Variants in FAM118B observed in about 807,000 individuals in gnomAD.
FAM118B encodes protein FAM118B.
A neutral mutation model predicts 38.5 loss-of-function variants in FAM118B; 24 were observed. The ratio of observed to expected loss-of-function variants is 0.62; its 90% CI spans 0.45 to 0.88. The LOEUF is 0.88. FAM118B is among the 40% of genes least tolerant of loss of function. The pLI, the probability that FAM118B is intolerant of heterozygous loss-of-function variation, is 0.00. For missense variants in FAM118B, 334 were observed against 420.0 expected (o/e 0.80, Z 1.79); for synonymous variants, 138 against 156.3 (o/e 0.88, Z 0.87).
chr11:126,242,695 AC>A (rs1157210921), intron 4 of FAM118B, among the ~76,000 whole-genome samples: 1 of 152,226 alleles, frequency 6.6e-6, no homozygotes, highest in African/African-American at 2.4e-5. Flanking sequence ...GTGCCATTTC[AC>A]ACCCGCTGGC....
At chr11:126,259,370 GGAAAAA>G (rs947921492) in intron 7 of FAM118B, among the ~76,000 whole-genome samples, 3 of 151,418 alleles carry the variant, frequency 2.0e-5, no homozygotes, top group Admixed American at 1.3e-4. Context: ...TCAAGCAGTG[GGAAAAA>G]GAAAAATAAT....
chr11:126,235,098 G>GAA lies in FAM118B; in HGVS notation c.86+12_86+13dup. The GAA allele has an allele frequency of 6.2e-7, 1 of 1,612,654 alleles. No homozygotes were observed. The highest frequency in any genetic ancestry group is 1.3e-5 in the African/African-American group (1 of 75,006). On this transcript the variant is annotated intron_variant, in intron 3 of 8. Transcript: ENST00000533050. ...CACCAAAAAGCCCAGGTAAACAAGA[G>GAA]AAGGGAATCAGCAGAGTAAATTACC...
chr11:126,223,846 TAAGTTG>T (rs1183116553), intron 1 of FAM118B, among the ~76,000 whole-genome samples: 3 of 152,192 alleles, frequency 2.0e-5, no homozygotes, highest in African/African-American at 7.2e-5. Context: ...CTTGGAACCT[TAAGTTG>T]AAGTTTTCTT....
rs1950519404 is a variant in FAM118B, at chr11:126,252,590, A to G, written c.568-1715A>G. 6.6e-6 allele frequency among the ~76,000 whole-genome samples: 1 copy of G among 152,146 alleles called. No individual in the cohort carries two copies. Among genetic ancestry groups the G allele is most frequent in the Non-Finnish European group, 1.5e-5 (1 of 68,036 alleles). On this transcript the variant is annotated intron_variant, in intron 5 of 8. Coordinates refer to ENST00000533050, the MANE Select transcript of FAM118B (RefSeq NM_024556.4). This position sits in a 1 kb window ranked among gnomAD's most constrained non-coding sequence, Gnocchi z 4.7. Reference sequence around the variant, plus strand: ...AGACCCCATCTCTACAAAAAGTTTAAAAATTAGCCGGGCATGGTGGTGTTT... The same window carrying G: ...AGACCCCATCTCTACAAAAAGTTTAGAAATTAGCCGGGCATGGTGGTGTTT...
chr11:126,226,561 C>T (rs962930844), intron 1 of FAM118B, among the ~76,000 whole-genome samples: 13 of 152,224 alleles, frequency 8.5e-5, no homozygotes, highest in Non-Finnish European at 1.6e-4. Flanking sequence ...TTCTCTCCTT[C>T]CCCCCGGCAG....
intron 4 of FAM118B, 90 bp downstream of exon 4, chr11:126,241,134 C>G (rs1050845242): frequency 7.7e-7 from 1 of 1,298,076 alleles, no homozygotes; most frequent in African/African-American, 1.5e-5. Flanking sequence ...AACTAGCATG[C>G]CAAATGTAAC....
intron 4 of FAM118B, among the ~76,000 whole-genome samples, chr11:126,243,903 CAAAAA>C: frequency 9.6e-6 from 1 of 104,590 alleles, no homozygotes; most frequent in East Asian, 3.1e-4. Context: ...GACTCCGTCT[CAAAAA>C]AAAAAAAAAA....
intron 1 of FAM118B, among the ~76,000 whole-genome samples, chr11:126,225,370 T>A (rs778814210): frequency 9.8e-5 from 15 of 152,356 alleles, no homozygotes; most frequent in South Asian, 4.1e-4. Context: ...ATACCCACTA[T>A]AGTAGAATAT....
intron 5 of FAM118B, 24 bp from the exon 6 acceptor site, chr11:126,254,281 T>G: frequency 6.2e-7 from 1 of 1,609,044 alleles, no homozygotes; most frequent in Non-Finnish European, 8.5e-7. Flanking sequence ...GCCAAGCTGG[T>G]TGGGCTATAT....
intron 4 of FAM118B, chr11:126,245,333 C>A (rs1032037566): frequency 1.3e-5 from 2 of 151,790 alleles, no homozygotes; most frequent in African/African-American, 4.8e-5. Context: ...CTAGGGTAGC[C>A]AAGACCGTCT....
intron 4 of FAM118B, 180 bp downstream of exon 4, chr11:126,241,224 G>T: frequency 1.7e-6 from 1 of 586,064 alleles, no homozygotes; most frequent in Non-Finnish European, 2.8e-6. Context: ...CCCTACTCAG[G>T]ACAGTTGTCT....
intron 1 of FAM118B, among the ~76,000 whole-genome samples, chr11:126,226,862 A>G (rs954266014): frequency 1.3e-5 from 2 of 150,592 alleles, no homozygotes; most frequent in African/African-American, 2.4e-5. Context: ...AGTCCCAGCT[A>G]CCCGAGAGGC....
At chr11:126,247,456 T>G (rs1379857909) in intron 4 of FAM118B, among the ~76,000 whole-genome samples, 1 of 152,184 alleles carries the variant, frequency 6.6e-6, no homozygotes, top group African/African-American at 2.4e-5. Flanking sequence ...GTTTTAACCT[T>G]TTCTATTCTT....
intron 1 of FAM118B, among the ~76,000 whole-genome samples, chr11:126,224,439 A>G (rs185574402): frequency 1.0e-3 from 148 of 142,402 alleles, no homozygotes; most frequent in African/African-American, 3.8e-3. Context: ...TCATGCCACC[A>G]TGTTCCAGCC....
intron 1 of FAM118B, chr11:126,214,503 GTTTT>G (rs769565375): frequency 3.5e-5 from 1 of 28,266 alleles, no homozygotes; most frequent in Admixed American, 6.3e-4. Flanking sequence ...TTTTTTTTTT[GTTTT>G]TTTTTTGTTT....
At chr11:126,261,525 G>GA in intron 8 of FAM118B, 41 bp downstream of exon 8, 1 of 1,543,808 alleles carries the variant, frequency 6.5e-7, no homozygotes, top group South Asian at 1.1e-5. Flanking sequence ...CTCTGTAGCA[G>GA]AAAGTCTTTC....
intron 2 of FAM118B, 77 bp from the exon 3 acceptor site, chr11:126,234,918 C>G: frequency 8.5e-7 from 1 of 1,173,220 alleles, no homozygotes; most frequent in Non-Finnish European, 1.2e-6. Flanking sequence ...CTTTTTTAAA[C>G]TGTTTAATAT....
chr11:126,226,965 A>G (rs947348891), intron 1 of FAM118B, among the ~76,000 whole-genome samples: 4 of 145,996 alleles, frequency 2.7e-5, no homozygotes, highest in Admixed American at 2.7e-4. Context: ...AAAAAAAAAA[A>G]CACCTAGCTA....
intron 1 of FAM118B, among the ~76,000 whole-genome samples, chr11:126,222,284 A>G (rs1950073922): frequency 6.6e-6 from 1 of 152,220 alleles, no homozygotes; most frequent in Non-Finnish European, 1.5e-5. Flanking sequence ...TGTTTGGTGG[A>G]GGAGAACTGG....
Sources: gnomAD v4.1 joint callset for allele counts (sites outside exome capture counted in the v4.1 genomes callset) on GRCh38, gnomAD v4.1.1 for gene constraint, Gnocchi (gnomAD v3.1) non-coding constraint, MANE v1.5 for transcripts, NCBI Gene and HGNC (gene_info 2026-07-23, HGNC 2026-07-21) for gene names.